CDH4: variants seen among roughly 807,000 people sequenced by gnomAD.
CDH4 encodes the protein cadherin-4.
Under a neutral mutation model 86.0 loss-of-function variants are expected in CDH4, and 33 were observed. That is an observed-to-expected ratio of 0.38 (90% CI 0.29 to 0.51). The LOEUF (loss-of-function observed/expected upper bound fraction) is 0.51. CDH4 is among the 20% of genes least tolerant of loss of function. The pLI, the probability that CDH4 is intolerant of heterozygous loss-of-function variation, is 0.86. For missense variants in CDH4, 1,114 were observed against 1,307.4 expected, an observed-to-expected ratio of 0.85 and a Z score of 2.28; for synonymous variants, 555 against 549.4, an observed-to-expected ratio of 1.01 and a Z score of -0.14.
chr20:61,312,302 T>C (rs1241972128), intron 2 of CDH4, among the ~76,000 whole-genome samples: 2 of 151,422 alleles, frequency 1.3e-5, no homozygotes, highest in Admixed American at 1.3e-4. Context: ...TGTCAGTGTG[T>C]GTATGGTGTG....
At chr20:61,364,798 G>A (rs552919694) in intron 2 of CDH4, among the ~76,000 whole-genome samples, 25 of 152,338 alleles carry the variant, frequency 1.6e-4, no homozygotes, top group Non-Finnish European at 3.1e-4. Context: ...AGCAGAAGAC[G>A]ATGAGAATTT....
intron 2 of CDH4, among the ~76,000 whole-genome samples, chr20:61,712,528 C>T (rs2087904527): frequency 1.3e-5 from 2 of 152,158 alleles, no homozygotes; most frequent in Admixed American, 1.3e-4. Context: ...TGCCCAGCTC[C>T]TCCTCTTCTT....
intron 6 of CDH4, among the ~76,000 whole-genome samples, chr20:61,858,329 C>CTGTGTCTG (rs1983149105): frequency 1.4e-5 from 2 of 138,016 alleles, no homozygotes; most frequent in Admixed American, 7.4e-5. Context: ...CTGTGTCTGT[C>CTGTGTCTG]TGTGTCTGTA....
At chr20:61,646,207 T>G (rs1535139) in intron 2 of CDH4, among the ~76,000 whole-genome samples, 100,196 of 151,754 alleles carry the variant, frequency 0.66, 33,804 homozygotes, top group African/African-American at 0.79. Flanking sequence ...GGCACCTAGA[T>G]CAGGGGCCTC....
At chr20:61,286,593 G>C (rs2084294553) in intron 2 of CDH4, among the ~76,000 whole-genome samples, 1 of 152,232 alleles carries the variant, frequency 6.6e-6, no homozygotes, top group South Asian at 2.1e-4. Flanking sequence ...CGGCAGCTTT[G>C]TGCAAGTAAA....
chr20:61,790,179 T>TCATC (rs1230880516), intron 4 of CDH4, among the ~76,000 whole-genome samples: 1 of 151,278 alleles, frequency 6.6e-6, no homozygotes. Flanking sequence ...CGTCATCCAT[T>TCATC]CATCCATCCA....
At chr20:61,351,376 C>T (rs1394515756) in intron 2 of CDH4, among the ~76,000 whole-genome samples, 1 of 152,190 alleles carries the variant, frequency 6.6e-6, no homozygotes, top group Non-Finnish European at 1.5e-5. Flanking sequence ...TCTACGCACA[C>T]ACTGTGCTAT....
At position 61,676,941 on chromosome 20, in the gene CDH4, G is replaced by A. The variant is rs1158378750; in HGVS notation, c.170-66622G>A. 6.6e-6 allele frequency among the ~76,000 whole-genome samples: 1 copy of A among 152,150 alleles called. No individual in the cohort carries two copies. The highest frequency in any genetic ancestry group is 2.4e-5 in the African/African-American group (1 of 41,438). On this transcript the variant is annotated intron_variant, in intron 2 of 15. Transcript: ENST00000614565. The surrounding 1 kb of genome is among the most constrained non-coding windows in gnomAD (Gnocchi z 4.5). ...GAGGTGGTGGGCCAGGCTGCAGTGG[G>A]ACCAGCGGTCCAAGACCTTGGGGCA...
At chr20:61,761,967 A>G (rs2088639525) in intron 3 of CDH4, among the ~76,000 whole-genome samples, 2 of 152,196 alleles carry the variant, frequency 1.3e-5, no homozygotes, top group Admixed American at 1.3e-4. Context: ...GCACAGCAGG[A>G]CCAGGTTAGA....
In CDH4 at chr20:61,252,732, T is replaced by A. The variant is rs1035155940; in HGVS notation, c.57+162T>A. 7.9e-4 allele frequency among the ~76,000 whole-genome samples: 117 copies of A among 148,024 alleles called. No individual in the cohort carries two copies. Among genetic ancestry groups the A allele is most frequent in the Non-Finnish European group, 1.0e-3 (67 of 66,920 alleles). On this transcript the variant is annotated intron_variant, in intron 1 of 15. Coordinates refer to ENST00000614565, the MANE Select transcript of CDH4 (RefSeq NM_001794.5). The surrounding 1 kb of genome is among the most constrained non-coding windows in gnomAD (Gnocchi z 4.4). The stretch of plus-strand genomic sequence containing the variant: ...GGCGCCCGCGCTCGGCGAAGCTGCC[T>A]GCGGTCGGCAGGAGCGGGAAGCCGC...
chr20:61,909,865 G>A, intron 8 of CDH4, among the ~76,000 whole-genome samples: 1 of 152,350 alleles, frequency 6.6e-6, no homozygotes, highest in Admixed American at 6.5e-5. Flanking sequence ...ACCAGTACAG[G>A]TGGAAACTTT....
intron 2 of CDH4, among the ~76,000 whole-genome samples, chr20:61,443,576 G>A (rs1255415083): frequency 1.3e-5 from 2 of 152,158 alleles, no homozygotes; most frequent in African/African-American, 4.8e-5. Context: ...ACCTGGAGTC[G>A]GAACACGACA....
chr20:61,362,966 T>C (rs997629012), intron 2 of CDH4, among the ~76,000 whole-genome samples: 3 of 152,210 alleles, frequency 2.0e-5, no homozygotes, highest in African/African-American at 7.2e-5. Context: ...TCCTGTGCCC[T>C]TGTGCCGTGT....
intron 2 of CDH4, chr20:61,435,624 G>C (rs2085276888): frequency 6.6e-6 from 1 of 152,330 alleles, no homozygotes; most frequent in African/African-American, 2.4e-5. Context: ...GCCGAGCCTG[G>C]GCCAACACCT....
At chr20:61,861,373 C>T (rs372013778) in intron 6 of CDH4, among the ~76,000 whole-genome samples, 15 of 152,354 alleles carry the variant, frequency 9.8e-5, no homozygotes, top group East Asian at 1.9e-4. Flanking sequence ...CCCCAGGAAA[C>T]GGCTAGTTTT....
chr20:61,328,739 T>G (rs2084551254), intron 2 of CDH4, among the ~76,000 whole-genome samples: 2 of 152,154 alleles, frequency 1.3e-5, no homozygotes, highest in Admixed American at 6.5e-5. Flanking sequence ...TGAGCCCTCA[T>G]TGTGCCACCG....
At chr20:61,866,886 A>T (rs1052996662) in intron 6 of CDH4, among the ~76,000 whole-genome samples, 3 of 152,252 alleles carry the variant, frequency 2.0e-5, no homozygotes, top group African/African-American at 7.2e-5. Flanking sequence ...GTTGGCCGGA[A>T]AGCAGGGAGC....
chr20:61,743,442 T>C, intron 2 of CDH4, 121 bp from the exon 3 acceptor site: 1 of 727,394 alleles, frequency 1.4e-6, no homozygotes, highest in African/African-American at 1.7e-5. Context: ...GAGAAATCAG[T>C]GCAAACCTCA....
intron 2 of CDH4, among the ~76,000 whole-genome samples, chr20:61,380,559 C>T (rs1432867789): frequency 1.3e-5 from 2 of 151,792 alleles, no homozygotes; most frequent in South Asian, 2.1e-4. Context: ...TTCACCCCTC[C>T]CTCGATCCAT....
Sources: allele counts gnomAD v4.1 joint callset (sites outside exome capture counted in the v4.1 genomes callset), GRCh38; gene constraint gnomAD v4.1.1; non-coding constraint Gnocchi (gnomAD v3.1); transcripts MANE v1.5; gene names NCBI Gene and HGNC (gene_info 2026-07-23, HGNC 2026-07-21).